The following MARCHF10 variants were observed in gnomAD, a reference collection of about 807,000 sequenced individuals.
The protein encoded by MARCHF10 is membrane associated ring-CH-type finger 10, also known as probable E3 ubiquitin-protein ligase MARCHF10.
A neutral mutation model predicts 76.2 loss-of-function variants in MARCHF10; 64 were observed. The observed-to-expected ratio is 0.84, with a 90% CI of 0.69 to 1.03. MARCHF10 has a LOEUF of 1.03. Among genes scored for constraint, MARCHF10 ranks in the 50% least tolerant of loss-of-function variants. MARCHF10 has a pLI of 0.00. For synonymous variants in MARCHF10, 340 were observed against 357.5 expected (o/e 0.95, Z 0.55); for missense variants, 875 against 958.0 (o/e 0.91, Z 1.14).
intron 3 of MARCHF10, among the ~76,000 whole-genome samples, chr17:62,764,835 T>C (rs1311295296): frequency 6.6e-6 from 1 of 152,240 alleles, no homozygotes; most frequent in Non-Finnish European, 1.5e-5. Flanking sequence ...AAATCCCTCC[T>C]GTGCGTTCAA....
At chr17:62,749,166 CTG>C (rs1187136452) in intron 4 of MARCHF10, among the ~76,000 whole-genome samples, 2 of 151,756 alleles carry the variant, frequency 1.3e-5, no homozygotes, top group African/African-American at 4.9e-5. Flanking sequence ...TGTTGGGAAA[CTG>C]TGATTGTCGA....
intron 7 of MARCHF10, among the ~76,000 whole-genome samples, chr17:62,723,939 C>T (rs2090624861): frequency 6.6e-6 from 1 of 152,064 alleles, no homozygotes; most frequent in Non-Finnish European, 1.5e-5. Flanking sequence ...AATATGATTA[C>T]CCCACGTGTT....
chr17:62,731,107 A>G (rs759394381), intron 6 of MARCHF10, among the ~76,000 whole-genome samples: 1 of 152,212 alleles, frequency 6.6e-6, no homozygotes, highest in African/African-American at 2.4e-5. Context: ...GGAGTTTCTA[A>G]GCATGGCACC....
Position 62,737,351 on chromosome 17 carries a change from C to T in MARCHF10, c.536-19G>A, listed in dbSNP as rs201120605. ...ACTTGATCTGCATTGAGAAAAGACA[C>T]ATTTATCGTTCCAGTAAAAGGGCCC... On this transcript the variant is annotated intron_variant, in intron 5 of 10. Coordinates refer to ENST00000311269, the MANE Select transcript of MARCHF10 (RefSeq NM_152598.4). 3.1e-6 allele frequency: 5 copies of T among 1,593,654 alleles called. No homozygotes were observed. The Admixed American group carries it at 5.7e-5, about 18-fold the overall frequency.
chr17:62,723,559 C>CTTTTTTTTTTTTTTTT lies in MARCHF10; in HGVS notation c.2105-978_2105-963dup, dbSNP rs60456766. 8.5e-3 allele frequency among the ~76,000 whole-genome samples: 681 copies of CTTTTTTTTTTTTTTTT among 80,216 alleles called. 111 individuals are homozygous for CTTTTTTTTTTTTTTTT. The highest frequency in any genetic ancestry group is 0.028 in the African/African-American group (517 of 18,292). The allele number at this position is 80,216 out of a possible 152,430, so 52.6% of individuals were successfully genotyped here. A position where few individuals can be genotyped will look rare whatever the true frequency, so the allele number is the denominator to read the frequency against. On this transcript the variant is annotated intron_variant, in intron 7 of 10. Transcript: ENST00000311269. ...CCTTATCTGCATTTTGTTCGCTTGA[C>CTTTTTTTTTTTTTTTT]TTTTTTTTTTTTTTTTTTTAGCGTC...
intron 8 of MARCHF10, among the ~76,000 whole-genome samples, chr17:62,720,346 G>A (rs2090420556): frequency 6.6e-6 from 1 of 152,216 alleles, no homozygotes; most frequent in Non-Finnish European, 1.5e-5. Context: ...AGTCCTTTGA[G>A]ACTCTAGGTC....
In MARCHF10 at chr17:62,807,492, T is replaced by A. The variant is rs149459360; in HGVS notation, c.-18+585A>T. Among the ~76,000 whole-genome samples the A allele has an allele frequency of 3.0e-4, 45 of 152,234 alleles. 1 individual carries two copies. In the East Asian group the frequency reaches 8.7e-3, roughly 29 times the overall value. On this transcript the variant is annotated intron_variant, in intron 1 of 10. Transcript: ENST00000311269. Reference sequence around the variant, plus strand: ...CAGAAGAGAGGAGAAACTCAACGTGTAATTGGGAAACTCTGGGGGAGGAAA... The same window carrying A: ...CAGAAGAGAGGAGAAACTCAACGTGAAATTGGGAAACTCTGGGGGAGGAAA...
At chr17:62,706,110 G>A (rs542622262) in intron 9 of MARCHF10, 1 of 154,052 alleles carries the variant, frequency 6.5e-6, no homozygotes, top group East Asian at 1.9e-4. Context: ...CAAGGATGTG[G>A]GCTCCGGTGC....
chr17:62,716,668 A>G (rs2090215550), intron 8 of MARCHF10, among the ~76,000 whole-genome samples: 2 of 150,832 alleles, frequency 1.3e-5, no homozygotes, highest in Admixed American at 6.6e-5. Context: ...AAATTTTTGT[A>G]TGGTTTTTGT....
At chr17:62,775,942 A>G (rs930470798) in intron 3 of MARCHF10, among the ~76,000 whole-genome samples, 1 of 151,966 alleles carries the variant, frequency 6.6e-6, no homozygotes, top group East Asian at 1.9e-4. Flanking sequence ...TCAGCCTTCC[A>G]AGTAGCGGGA....
intron 2 of MARCHF10, among the ~76,000 whole-genome samples, chr17:62,789,780 A>G (rs1350554882): frequency 6.6e-6 from 1 of 152,070 alleles, no homozygotes; most frequent in East Asian, 1.9e-4. Flanking sequence ...TCTACTAAAA[A>G]TATAAAAATT....
intron 2 of MARCHF10, among the ~76,000 whole-genome samples, chr17:62,792,468 G>C (rs1361601842): frequency 1.3e-5 from 2 of 151,718 alleles, no homozygotes; most frequent in Admixed American, 1.3e-4. Flanking sequence ...TCAATCAAGG[G>C]TGCCTACTAA....
At chr17:62,732,320 G>A (rs780219073) in intron 6 of MARCHF10, among the ~76,000 whole-genome samples, 6 of 152,278 alleles carry the variant, frequency 3.9e-5, no homozygotes, top group African/African-American at 1.4e-4. Flanking sequence ...TTACATCATC[G>A]CATATCAAAA....
chr17:62,788,913 A>T lies in MARCHF10; in HGVS notation c.91-314T>A, dbSNP rs186136440. On this transcript the variant is annotated intron_variant, in intron 2 of 10. Coordinates refer to ENST00000311269, the MANE Select transcript of MARCHF10 (RefSeq NM_152598.4). ...CCCGTCTCTACTAAAAATACAAAAA[A>T]TTAGCCGGGCGCGGTGGCGGGCGCC... is the stretch of plus-strand genomic sequence containing the variant. Among the ~76,000 whole-genome samples the T allele has an allele frequency of 5.6e-3, 848 of 150,562 alleles. 18 individuals carry two copies. The highest frequency in any genetic ancestry group is 0.02 in the African/African-American group (807 of 40,922).
At chr17:62,794,285 C>T (rs577882922) in intron 2 of MARCHF10, among the ~76,000 whole-genome samples, 3 of 152,282 alleles carry the variant, frequency 2.0e-5, no homozygotes, top group African/African-American at 7.2e-5. Flanking sequence ...ACCACTGCTG[C>T]CTCCACCACC....
At chr17:62,800,951 T>C (rs1373072817) in intron 2 of MARCHF10, among the ~76,000 whole-genome samples, 1 of 152,194 alleles carries the variant, frequency 6.6e-6, no homozygotes, top group African/African-American at 2.4e-5. Context: ...GAAGGGCGTG[T>C]TATTTTACAA....
chr17:62,701,790 G>T (rs746270121), intron 10 of MARCHF10, 32 bp from the exon 11 acceptor site: 2 of 1,613,630 alleles, frequency 1.2e-6, no homozygotes, highest in Middle Eastern at 1.7e-4. Flanking sequence ...CAGGCTGGAG[G>T]GCCGCAGCAG....
intron 5 of MARCHF10, among the ~76,000 whole-genome samples, chr17:62,743,004 AGT>A (rs993217365): frequency 7.2e-5 from 11 of 152,244 alleles, no homozygotes; most frequent in African/African-American, 2.7e-4. Context: ...TAAAAAGTTC[AGT>A]GCCCACTGTG....
intron 1 of MARCHF10, among the ~76,000 whole-genome samples, chr17:62,807,329 C>G (rs976222113): frequency 6.6e-6 from 1 of 151,608 alleles, no homozygotes; most frequent in East Asian, 1.9e-4. Flanking sequence ...GTAAGGAGAT[C>G]TTTCAACTCT....
Sources: gnomAD v4.1 joint callset for allele counts (sites outside exome capture counted in the v4.1 genomes callset) on GRCh38, gnomAD v4.1.1 for gene constraint, MANE v1.5 for transcripts, NCBI Gene and HGNC (gene_info 2026-07-23, HGNC 2026-07-21) for gene names.